LPCAT2: variants seen among roughly 807,000 people sequenced by gnomAD.
The protein encoded by LPCAT2 is 1-AGP acyltransferase 11.
In LPCAT2, 58 loss-of-function variants were observed where a neutral mutation model predicts 64.7. The observed-to-expected ratio is 0.90, with a 90% CI of 0.73 to 1.12. The LOEUF (loss-of-function observed/expected upper bound fraction) is 1.12, where lower values mean the gene tolerates loss of function less well. Ranked by LOEUF, LPCAT2 falls within the 50% of genes most tolerant of loss-of-function variation. LPCAT2 has a pLI of 0.00. For synonymous variants in LPCAT2, 252 were observed against 245.3 expected, an observed-to-expected ratio of 1.03 and a Z score of -0.26; for missense variants, 579 against 669.8, an observed-to-expected ratio of 0.86 and a Z score of 1.50.
chr16:55,526,403 T>G (rs1298004876), intron 2 of LPCAT2, among the ~76,000 whole-genome samples: 1 of 152,194 alleles, frequency 6.6e-6, no homozygotes, highest in Non-Finnish European at 1.5e-5. Context: ...CAGGGCATTG[T>G]CAAACCTTTT....
At chr16:55,525,285 G>GTTT (rs1200999732) in intron 1 of LPCAT2, among the ~76,000 whole-genome samples, 1 of 151,968 alleles carries the variant, frequency 6.6e-6, no homozygotes, top group African/African-American at 2.4e-5. Flanking sequence ...TTGTCTTACG[G>GTTT]TTTTCTTCAG....
chr16:55,554,175 C>T (rs538884036), intron 11 of LPCAT2, among the ~76,000 whole-genome samples: 1 of 152,194 alleles, frequency 6.6e-6, no homozygotes, highest in Admixed American at 6.5e-5. Context: ...AACTTAAAGC[C>T]ACCCACTGTA....
chr16:55,559,751 C>T (rs1253032530), intron 11 of LPCAT2, among the ~76,000 whole-genome samples: 2 of 144,996 alleles, frequency 1.4e-5, no homozygotes, highest in South Asian at 4.4e-4. Context: ...TATTCCACAA[C>T]TTATATGATA....
At chr16:55,509,991 C>CTTGTTTTTTTTTTTTT (rs1962905424) in intron 1 of LPCAT2, among the ~76,000 whole-genome samples, 1 of 102,532 alleles carries the variant, frequency 9.8e-6, no homozygotes, top group African/African-American at 3.7e-5. Flanking sequence ...TTGAAGAAGT[C>CTTGTTTTTTTTTTTTT]TTTTTTTTTT....
chr16:55,567,470 C>A (rs780523235), intron 11 of LPCAT2: 1 of 1,613,638 alleles, frequency 6.2e-7, no homozygotes, highest in South Asian at 1.1e-5. Context: ...AAGTGTCTAT[C>A]AAAGAATGGC....
At position 55,525,443 on chromosome 16, in the gene LPCAT2, T is replaced by A. The variant is rs1465200202; in HGVS notation, c.172-65T>A. On this transcript the variant is annotated intron_variant, in intron 1 of 13. Transcript: ENST00000262134. Reference sequence around the variant, plus strand: ...CCATAAAACTTTCCTATTACATGTTTCTGTTTGATAGCCATGAATTAAAAT... The same window carrying A: ...CCATAAAACTTTCCTATTACATGTTACTGTTTGATAGCCATGAATTAAAAT... The A allele has an allele frequency of 2.8e-5, 41 of 1,456,368 alleles. No homozygotes were observed. In the South Asian group the frequency reaches 5.2e-4, roughly 19 times the overall value. 90.2% of individuals were successfully genotyped at this position (1,456,368 alleles called of 1,614,324 possible).
At chr16:55,551,329 TCA>T in intron 11 of LPCAT2, 1 of 107,740 alleles carries the variant, frequency 9.3e-6, no homozygotes, top group Non-Finnish European at 2.1e-5. Context: ...AAATATCATA[TCA>T]TATCATATCA....
intron 9 of LPCAT2, 50 bp from the exon 10 acceptor site, chr16:55,549,227 C>CTTTTT: frequency 7.5e-7 from 1 of 1,337,830 alleles, no homozygotes; most frequent in Non-Finnish European, 1.0e-6. Flanking sequence ...AATATGATTA[C>CTTTTT]TTTTTTTTTT....
chr16:55,510,720 A>G (rs923952353), intron 1 of LPCAT2, among the ~76,000 whole-genome samples: 1 of 152,112 alleles, frequency 6.6e-6, no homozygotes, highest in African/African-American at 2.4e-5. Context: ...TAAAAATGTG[A>G]TCCTCATGTC....
At chr16:55,561,474 G>T (rs900800580) in intron 11 of LPCAT2, among the ~76,000 whole-genome samples, 1 of 150,702 alleles carries the variant, frequency 6.6e-6, no homozygotes, top group Admixed American at 6.6e-5. Flanking sequence ...AAATCATCCA[G>T]AGGAGAAAAA....
intron 1 of LPCAT2, among the ~76,000 whole-genome samples, chr16:55,519,895 G>C (rs1053482264): frequency 6.6e-6 from 1 of 152,016 alleles, no homozygotes; most frequent in African/African-American, 2.4e-5. Flanking sequence ...AAAAGTACAA[G>C]AAGGTATAGC....
chr16:55,572,624 A>ATTGACT (rs2067256), intron 11 of LPCAT2, among the ~76,000 whole-genome samples: 144,534 of 151,974 alleles, frequency 0.95, 68,956 homozygotes, highest in East Asian at 0.99. Flanking sequence ...AAATGTAGAT[A>ATTGACT]TTGGCGCTGG....
Position 55,574,718 on chromosome 16 carries a change from G to A in LPCAT2, c.1303G>A (p.Val435Met). The A allele has an allele frequency of 6.2e-7, 1 of 1,613,276 alleles. No individual in the cohort carries two copies. The highest frequency in any genetic ancestry group is 8.5e-7 in the Non-Finnish European group (1 of 1,179,422). ...NPSNTEEIIQ[V>M]AFKLFDVDED... is the part of the protein sequence containing the mutation. ...TTCCAACACAGAGGAGATCATCCAG[G>A]TGGCATTTAAGGTACTGTCAGCCCC... is the stretch of plus-strand genomic sequence containing the variant. Residue 435 changes from valine to methionine, a missense_variant, in exon 12 of 14, where the codon GTG becomes ATG. Val to Met is a conservative substitution (Grantham distance 21, BLOSUM62 1). Coordinates refer to ENST00000262134, the MANE Select transcript of LPCAT2 (RefSeq NM_017839.5).
chr16:55,574,963 CAGG>C (rs1963811580), intron 12 of LPCAT2, among the ~76,000 whole-genome samples: 1 of 151,912 alleles, frequency 6.6e-6, no homozygotes, highest in African/African-American at 2.4e-5. Context: ...GATTGAAGAG[CAGG>C]AGATTTCACA....
intron 1 of LPCAT2, among the ~76,000 whole-genome samples, chr16:55,515,275 A>G (rs1274351391): frequency 6.6e-6 from 1 of 152,236 alleles, no homozygotes; most frequent in Admixed American, 6.5e-5. Flanking sequence ...AGAATCCTCA[A>G]CAAGATTAAT....
At chr16:55,567,297 G>T (rs540136871) in intron 11 of LPCAT2, 24 of 1,613,604 alleles carry the variant, frequency 1.5e-5, no homozygotes, top group Non-Finnish European at 1.9e-5. Context: ...TCTGCAGGCC[G>T]CAGGCTTCCA....
intron 1 of LPCAT2, among the ~76,000 whole-genome samples, chr16:55,515,692 C>T (rs147020801): frequency 1.3e-5 from 2 of 152,182 alleles, no homozygotes; most frequent in Non-Finnish European, 1.5e-5. Context: ...TGTATAAAGA[C>T]ATAATTTGTA....
chr16:55,533,335 C>A (rs530879584), intron 6 of LPCAT2, among the ~76,000 whole-genome samples: 2 of 151,458 alleles, frequency 1.3e-5, no homozygotes, highest in South Asian at 2.1e-4. Flanking sequence ...ATTGTGTGAG[C>A]CTTGGTAGTA....
chr16:55,581,819 A>G (rs1478870443), intron 13 of LPCAT2, among the ~76,000 whole-genome samples: 2 of 152,352 alleles, frequency 1.3e-5, no homozygotes, highest in African/African-American at 2.4e-5. Flanking sequence ...CAGAAACTCC[A>G]GGTTACTGGA....
Sources: allele counts gnomAD v4.1 joint callset (sites outside exome capture counted in the v4.1 genomes callset), GRCh38; gene constraint gnomAD v4.1.1; transcripts MANE v1.5; gene names NCBI Gene and HGNC (gene_info 2026-07-23, HGNC 2026-07-21).